Variants in SGMS1 observed in about 807,000 individuals in gnomAD.
SGMS1 encodes phosphatidylcholine:ceramide cholinephosphotransferase 1.
In SGMS1, 13 loss-of-function variants were observed where a neutral mutation model predicts 46.2. The ratio of observed to expected loss-of-function variants is 0.28; its 90% CI spans 0.18 to 0.45. The LOEUF (loss-of-function observed/expected upper bound fraction) is 0.45, where lower values mean the gene tolerates loss of function less well. Among genes scored for constraint, SGMS1 ranks in the 20% least tolerant of loss-of-function variants. The pLI, the probability that SGMS1 is intolerant of heterozygous loss-of-function variation, is 1.00. For synonymous variants in SGMS1, 203 were observed against 187.8 expected (o/e 1.08, Z -0.66); for missense variants, 324 against 519.9 (o/e 0.62, Z 3.66).
intron 1 of SGMS1, among the ~76,000 whole-genome samples, chr10:50,595,905 G>T (rs576137530): frequency 1.3e-5 from 2 of 152,264 alleles, no homozygotes; most frequent in African/African-American, 4.8e-5. Flanking sequence ...AGGGCAACTG[G>T]CCTCTCAGGC....
intron 1 of SGMS1, among the ~76,000 whole-genome samples, chr10:50,612,739 C>T (rs532907070): frequency 2.0e-4 from 31 of 152,284 alleles, no homozygotes; most frequent in African/African-American, 6.5e-4. Flanking sequence ...GACAGAGCCT[C>T]GCTCTGTCGC....
At chr10:50,618,863 TTC>T (rs1838821981) in intron 1 of SGMS1, among the ~76,000 whole-genome samples, 3 of 152,186 alleles carry the variant, frequency 2.0e-5, no homozygotes, top group Admixed American at 2.0e-4. Flanking sequence ...AGTTCAGGGT[TTC>T]TGATTCAGGA....
At chr10:50,482,108 T>C (rs925341293) in intron 3 of SGMS1, among the ~76,000 whole-genome samples, 14 of 152,180 alleles carry the variant, frequency 9.2e-5, no homozygotes, top group Non-Finnish European at 1.5e-4. Flanking sequence ...CAGGATATCA[T>C]TCAGGAGAAC....
intron 6 of SGMS1, among the ~76,000 whole-genome samples, chr10:50,406,823 G>C (rs555318835): frequency 2.0e-4 from 30 of 151,668 alleles, no homozygotes; most frequent in African/African-American, 7.3e-4. Flanking sequence ...TCCCACCTCA[G>C]CCTCCCAGGC....
intron 2 of SGMS1, among the ~76,000 whole-genome samples, chr10:50,534,825 A>G (rs1170786648): frequency 6.6e-6 from 1 of 152,256 alleles, no homozygotes; most frequent in Non-Finnish European, 1.5e-5. Context: ...ACAAAATGAT[A>G]GCTGTGTTCT....
At chr10:50,317,314 A>C (rs1049521065) in intron 8 of SGMS1, among the ~76,000 whole-genome samples, 1 of 152,242 alleles carries the variant, frequency 6.6e-6, no homozygotes, top group African/African-American at 2.4e-5. Context: ...TAGTTTTACA[A>C]AATAAAACAA....
chr10:50,600,203 AT>A (rs2131908394), intron 1 of SGMS1, among the ~76,000 whole-genome samples: 1 of 152,342 alleles, frequency 6.6e-6, no homozygotes, highest in East Asian at 1.9e-4. Context: ...CTTTCTGATG[AT>A]TACATGTAAA....
Position 50,534,502 on chromosome 10 carries a change from C to A in SGMS1, c.-588-14581G>T, listed in dbSNP as rs543245165. Among the ~76,000 whole-genome samples the A allele has an allele frequency of 1.2e-3, 182 of 152,188 alleles. 1 individual carries two copies. Among genetic ancestry groups the A allele is most frequent in the Non-Finnish European group, 1.3e-3 (86 of 68,002 alleles). On this transcript the variant is annotated intron_variant, in intron 2 of 10. Coordinates refer to ENST00000361781, the MANE Select transcript of SGMS1 (RefSeq NM_147156.4). The stretch of plus-strand genomic sequence containing the variant: ...ACAGGGAACCATTATCCATCAGGAG[C>A]CTTAAATATGCCCATGCTGTTTGAC...
intron 6 of SGMS1, among the ~76,000 whole-genome samples, chr10:50,369,497 G>C (rs115805637): frequency 0.025 from 3,795 of 149,584 alleles, 173 homozygotes; most frequent in African/African-American, 0.087. Context: ...GACTCTGTCT[G>C]AAAAAGTAAA....
rs780463245 is a variant in SGMS1, at chr10:50,307,443, A to G, written c.1063-122T>C. The G allele has an allele frequency of 2.7e-6, 2 of 743,292 alleles. No individual in the cohort carries two copies. Among genetic ancestry groups the G allele is most frequent in the Non-Finnish European group, 4.3e-6 (2 of 462,030 alleles). The allele number at this position is 743,292 out of a possible 1,614,324, so 46.0% of individuals were successfully genotyped here. On this transcript the variant is annotated intron_variant, in intron 10 of 10. Coordinates refer to ENST00000361781, the MANE Select transcript of SGMS1 (RefSeq NM_147156.4). This position sits in a 1 kb window ranked among gnomAD's most constrained non-coding sequence, Gnocchi z 4.2. ...CCCTGCGTGTCCACCCACATATCCCAGCTTCTCTCTCTCATCACCATTCTA... is the reference window on the plus strand; with the variant it reads ...CCCTGCGTGTCCACCCACATATCCCGGCTTCTCTCTCTCATCACCATTCTA...
At chr10:50,407,478 T>C (rs1292095019) in intron 6 of SGMS1, among the ~76,000 whole-genome samples, 2 of 152,244 alleles carry the variant, frequency 1.3e-5, no homozygotes, top group Non-Finnish European at 2.9e-5. Context: ...TTATTTTCTG[T>C]TGATATCTTT....
chr10:50,491,613 T>C (rs888126411), intron 3 of SGMS1, among the ~76,000 whole-genome samples: 1 of 152,034 alleles, frequency 6.6e-6, no homozygotes, highest in African/African-American at 2.4e-5. Flanking sequence ...CAAGATTGAG[T>C]TGGGAAGAAA....
intron 6 of SGMS1, among the ~76,000 whole-genome samples, chr10:50,421,674 A>G (rs140483636): frequency 9.2e-5 from 14 of 152,324 alleles, no homozygotes; most frequent in African/African-American, 3.1e-4. Flanking sequence ...CTGGACCCTA[A>G]TAAGATGGTG....
At chr10:50,428,800 C>G (rs1358361984) in intron 6 of SGMS1, among the ~76,000 whole-genome samples, 1 of 152,118 alleles carries the variant, frequency 6.6e-6, no homozygotes, top group East Asian at 1.9e-4. Flanking sequence ...TGTTATGAGA[C>G]TAAGTACAAT....
chr10:50,505,141 G>C (rs1185869842), intron 3 of SGMS1, among the ~76,000 whole-genome samples: 1 of 152,160 alleles, frequency 6.6e-6, no homozygotes, highest in Non-Finnish European at 1.5e-5. Context: ...GCTTGAGCCT[G>C]GGAGGTAGAG....
At chr10:50,363,263 C>T (rs1019859503) in intron 6 of SGMS1, among the ~76,000 whole-genome samples, 1 of 152,124 alleles carries the variant, frequency 6.6e-6, no homozygotes, top group African/African-American at 2.4e-5. Context: ...GACACGATTT[C>T]GGAAGTTGGG....
At chr10:50,584,041 G>C (rs1838459579) in intron 2 of SGMS1, among the ~76,000 whole-genome samples, 1 of 152,092 alleles carries the variant, frequency 6.6e-6, no homozygotes, top group Admixed American at 6.6e-5. Flanking sequence ...TTCCAACTTT[G>C]TAAGAAAACA....
At chr10:50,598,885 C>T (rs868529508) in intron 1 of SGMS1, among the ~76,000 whole-genome samples, 7 of 151,778 alleles carry the variant, frequency 4.6e-5, no homozygotes, top group Non-Finnish European at 8.8e-5. Context: ...GACAGCAAAA[C>T]AAATAAGGAG....
chr10:50,487,179 G>T (rs565832734), intron 3 of SGMS1, among the ~76,000 whole-genome samples: 1 of 152,178 alleles, frequency 6.6e-6, no homozygotes, highest in Non-Finnish European at 1.5e-5. Context: ...TGGAAGGAGG[G>T]AGAGGGACAT....
Sources: gnomAD v4.1 joint callset for allele counts (sites outside exome capture counted in the v4.1 genomes callset) on GRCh38, gnomAD v4.1.1 for gene constraint, Gnocchi (gnomAD v3.1) non-coding constraint, MANE v1.5 for transcripts, NCBI Gene and HGNC (gene_info 2026-07-23, HGNC 2026-07-21) for gene names.